RGS14: variants seen among roughly 807,000 people sequenced by gnomAD.
RGS14 encodes the protein regulator of G-protein signaling 14.
A neutral mutation model predicts 63.8 loss-of-function variants in RGS14; 33 were observed. That is an observed-to-expected ratio of 0.52 (90% CI 0.39 to 0.69). The LOEUF is 0.69. Ranked by LOEUF, RGS14 falls within the 30% of genes least tolerant of loss-of-function variation. The pLI, the probability that RGS14 is intolerant of heterozygous loss-of-function variation, is 0.00. For synonymous variants in RGS14, 296 were observed against 320.9 expected (o/e 0.92, Z 0.83); for missense variants, 739 against 742.9 (o/e 0.99, Z 0.06).
At position 177,372,424 on chromosome 5, in the gene RGS14, C is replaced by G. The variant is rs1354698514; in HGVS notation, c.*349C>G. The G allele has an allele frequency of 1.5e-5, 4 of 266,674 alleles. No individual in the cohort carries two copies. In the East Asian group the frequency reaches 3.1e-4, roughly 21 times the overall value. The allele number at this position is 266,674 out of a possible 1,614,324, so 16.5% of individuals were successfully genotyped here. ...GCTTCAACAGGGGCAAGAGGAGGGGCCGGCCCCTCCTCAGGAAGCTGGTAT... is the reference window on the plus strand; with the variant it reads ...GCTTCAACAGGGGCAAGAGGAGGGGGCGGCCCCTCCTCAGGAAGCTGGTAT... On this transcript the variant is annotated 3_prime_UTR_variant, in exon 15 of 15. Transcript: ENST00000408923.
At position 177,371,434 on chromosome 5, in the gene RGS14, T is replaced by C; in HGVS notation, c.1383+38T>C. 6.8e-6 allele frequency: 11 copies of C among 1,613,812 alleles called. No homozygotes were observed. Among genetic ancestry groups the C allele is most frequent in the Non-Finnish European group, 9.3e-6 (11 of 1,179,910 alleles). Reference sequence around the variant, plus strand: ...CGAGTGGCCTCTTCCACCCTCTGCTTCTCCCCTCCCGATTTTGGCTCTGAC... The same window carrying C: ...CGAGTGGCCTCTTCCACCCTCTGCTCCTCCCCTCCCGATTTTGGCTCTGAC... On this transcript the variant is annotated intron_variant, in intron 13 of 14. Coordinates refer to ENST00000408923, the MANE Select transcript of RGS14 (RefSeq NM_006480.5). This position sits in a 1 kb window ranked among gnomAD's most constrained non-coding sequence, Gnocchi z 6.1.
At chr5:177,367,246 G>A (rs1762121584) in intron 5 of RGS14, 168 bp from the exon 6 acceptor site, 1 of 1,117,192 alleles carries the variant, frequency 9.0e-7, no homozygotes, top group Non-Finnish European at 1.2e-6. Context: ...CTGAGCTCGG[G>A]GCGGGCTTGG....
chr5:177,366,966 C>G lies in RGS14; in HGVS notation c.415C>G (p.Gln139Glu), dbSNP rs1561615675. ...QALSPVNIDRQAWLGEEVLAE... is the reference protein window; with the variant it reads ...QALSPVNIDREAWLGEEVLAE... ...GCTGAGCCCAGTGAACATCGACCGT[C>G]AGGCCTGGCTTGGCGAGGAGGTGCT... Residue 139 changes from glutamine (Q) to glutamate (E), a missense_variant, in exon 5 of 15, where the codon CAG becomes GAG. Physicochemically the swap from Gln to Glu is conservative, Grantham distance 29. Transcript: ENST00000408923. 6 of 1,613,928 alleles carry G rather than the reference C, an allele frequency of 3.7e-6. No homozygotes were observed. The highest frequency in any genetic ancestry group is 1.3e-5 in the African/African-American group (1 of 75,042).
intron 1 of RGS14, among the ~76,000 whole-genome samples, chr5:177,360,225 C>G (rs1007276948): frequency 8.5e-5 from 13 of 152,232 alleles, no homozygotes; most frequent in Admixed American, 6.5e-4. Flanking sequence ...CTAGACACTC[C>G]CGACCCAGGC....
In RGS14 at chr5:177,364,538, C is replaced by T. The variant is rs1275404921; in HGVS notation, c.46-1425C>T. Among the ~76,000 whole-genome samples the T allele has an allele frequency of 6.6e-6, 1 of 152,164 alleles. No homozygotes were observed. Among genetic ancestry groups the T allele is most frequent in the Non-Finnish European group, 1.5e-5 (1 of 68,024 alleles). On this transcript the variant is annotated intron_variant, in intron 1 of 14. Transcript: ENST00000408923. This position sits in a 1 kb window ranked among gnomAD's most constrained non-coding sequence, Gnocchi z 4.6. ...CGCACACCCTGAGCCTCTGTCCTGC[C>T]CTCTAACCCCAAGTCAGGGGTGATA...
Position 177,367,531 on chromosome 5 carries a change from C to T in RGS14, c.601C>T (p.Leu201Phe). The change falls in exon 6 of 15, where the codon CTC (leucine) becomes TTC (phenylalanine). Residue 201 changes from leucine to phenylalanine, a missense_variant. Transcript: ENST00000408923. ...RPLREPGSSR[L>F]GSPDATRKKP... ...TCTGCGGGAACCTGGCTCCTCGCGCCTCGGCAGCCCTGACGCCACGAGGAA... is the reference window on the plus strand; with the variant it reads ...TCTGCGGGAACCTGGCTCCTCGCGCTTCGGCAGCCCTGACGCCACGAGGAA... 1 of 1,611,294 alleles carries T rather than the reference C, an allele frequency of 6.2e-7. No homozygotes were observed. The highest frequency in any genetic ancestry group is 8.5e-7 in the Non-Finnish European group (1 of 1,178,858).
Position 177,358,038 on chromosome 5 carries a change from C to A in RGS14, c.14C>A (p.Pro5His). MPGK[P>H]KHLGVPNGRM... ...ATCGGCAGCGGCATGCCAGGGAAGC[C>A]CAAGCACCTGGGCGTCCCCAACGGG... The change falls in exon 1 of 15, where the codon CCC becomes CAC. Residue 5 changes from proline (P) to histidine (H), a missense_variant. Coordinates refer to ENST00000408923, the MANE Select transcript of RGS14 (RefSeq NM_006480.5). The surrounding 1 kb of genome is among the most constrained non-coding windows in gnomAD (Gnocchi z 4.8). The A allele has an allele frequency of 7.4e-7, 1 of 1,359,806 alleles. No homozygotes were observed. The highest frequency in any genetic ancestry group is 9.6e-7 in the Non-Finnish European group (1 of 1,046,196). The allele number at this position is 1,359,806 out of a possible 1,614,324, so 84.2% of individuals were successfully genotyped here.
chr5:177,370,744 GC>G, intron 10 of RGS14, 80 bp downstream of exon 10: 2 of 1,544,154 alleles, frequency 1.3e-6, no homozygotes, highest in Non-Finnish European at 1.8e-6. Flanking sequence ...GGCTCCCCAG[GC>G]CCCGCCCCTC....
chr5:177,371,701 C>A lies in RGS14; in HGVS notation c.1498+112C>A, dbSNP rs906062996. ...AGGCAGGGGGCTGGGTGCCACTGGG[C>A]GTGGAACAGGAAGGATGGGGGTTGG... On this transcript the variant is annotated intron_variant, in intron 14 of 14. Transcript: ENST00000408923. The surrounding 1 kb of genome is among the most constrained non-coding windows in gnomAD (Gnocchi z 6.1). The A allele has an allele frequency of 4.3e-6, 4 of 940,574 alleles. No homozygotes were observed. Among genetic ancestry groups the A allele is most frequent in the South Asian group, 4.0e-5 (2 of 49,820 alleles). The allele number at this position is 940,574 out of a possible 1,614,324, so 58.3% of individuals were successfully genotyped here. A position where few individuals can be genotyped will look rare whatever the true frequency, so the allele number is the denominator to read the frequency against.
In RGS14 at chr5:177,371,794, A is replaced by G. The variant is rs1762277533; in HGVS notation, c.1499-79A>G. 6.9e-7 allele frequency: 1 copy of G among 1,457,748 alleles called. No homozygotes were observed. The highest frequency in any genetic ancestry group is 9.4e-7 in the Non-Finnish European group (1 of 1,062,162). 90.3% of individuals were successfully genotyped at this position (1,457,748 alleles called of 1,614,324 possible). ...CTGGGGCCAGGGAGGCAGTGGCCAC[A>G]GTAAGGCAGTGGGACTATCGTGGGC... On this transcript the variant is annotated intron_variant, in intron 14 of 14. Coordinates refer to ENST00000408923, the MANE Select transcript of RGS14 (RefSeq NM_006480.5). The surrounding 1 kb of genome is among the most constrained non-coding windows in gnomAD (Gnocchi z 6.1).
At chr5:177,366,841 G>C (rs1340530159) in intron 4 of RGS14, 41 bp downstream of exon 4, 1 of 1,613,992 alleles carries the variant, frequency 6.2e-7, no homozygotes, top group Non-Finnish European at 8.5e-7. Context: ...TGGGGAGAGG[G>C]GAACTGGGCC....
Position 177,366,794 on chromosome 5 carries a change from C to T in RGS14, c.333C>T (p.Thr111=), listed in dbSNP as rs772279937. The change falls in exon 4 of 15, where the codon ACC becomes ACT. Residue 111 remains threonine (T), a synonymous_variant. Transcript: ENST00000408923. ...ERFQQIPASD[T]QQLAQEARNI... ...TCCAGCAGATCCCGGCCAGCGATAC[C>T]CAGCAGGTGGGGGAAGGGGGAGCTG... is the stretch of plus-strand genomic sequence containing the variant. 45 of 1,613,986 alleles carry T rather than the reference C, an allele frequency of 2.8e-5. No homozygotes were observed. The highest frequency in any genetic ancestry group is 1.6e-4 in the Middle Eastern group (1 of 6,082).
Position 177,357,996 on chromosome 5 carries a change from C to A in RGS14, c.-29C>A. The A allele has an allele frequency of 2.2e-6, 3 of 1,340,472 alleles. No homozygotes were observed. The highest frequency in any genetic ancestry group is 1.9e-6 in the Non-Finnish European group (2 of 1,037,236). The allele number at this position is 1,340,472 out of a possible 1,614,324, so 83.0% of individuals were successfully genotyped here. A position where few individuals can be genotyped will look rare whatever the true frequency, so the allele number is the denominator to read the frequency against. On this transcript the variant is annotated 5_prime_UTR_variant, in exon 1 of 15. Transcript: ENST00000408923. ...CACAGTCCCCATGGTGGGCAGCCCCCGCGGCGGGGACCCCTGATCGGCAGC... is the reference window on the plus strand; with the variant it reads ...CACAGTCCCCATGGTGGGCAGCCCCAGCGGCGGGGACCCCTGATCGGCAGC...
rs1046611939 is a variant in RGS14, at chr5:177,361,810, G to C, written c.45+3741G>C. Reference sequence around the variant, plus strand: ...TCCTAAGAAAAAAATATGACCGGCCGAGGTCCAAGCCTGGGTCCGTGTGTC... The same window carrying C: ...TCCTAAGAAAAAAATATGACCGGCCCAGGTCCAAGCCTGGGTCCGTGTGTC... On this transcript the variant is annotated intron_variant, in intron 1 of 14. Transcript: ENST00000408923. Among the ~76,000 whole-genome samples the C allele has an allele frequency of 2.0e-5, 3 of 152,124 alleles. No homozygotes were observed. In the East Asian group the frequency reaches 5.8e-4, roughly 29 times the overall value.
rs752378263 is a variant in RGS14 at position 177,371,149 on chromosome 5, T to C, written c.1255-16T>C. 2 of 1,604,576 alleles carry C rather than the reference T, an allele frequency of 1.2e-6. No individual in the cohort carries two copies. Among genetic ancestry groups the C allele is most frequent in the East Asian group, 2.3e-5 (1 of 44,000 alleles). ...GGCGGAGGCCTGTACCGCGGGCTGC[T>C]GACCTCTCCCCACAGCCAGGCGAGA... On this transcript the variant is annotated splice_polypyrimidine_tract_variant and intron_variant, in intron 11 of 14. Coordinates refer to ENST00000408923, the MANE Select transcript of RGS14 (RefSeq NM_006480.5). This position sits in a 1 kb window ranked among gnomAD's most constrained non-coding sequence, Gnocchi z 6.1.
Position 177,368,750 on chromosome 5 carries a change from G to GA in RGS14, c.886dup (p.Ser296LysfsTer2). The GA allele has an allele frequency of 6.2e-7, 1 of 1,614,252 alleles. No individual in the cohort carries two copies. Among genetic ancestry groups the GA allele is most frequent in the Non-Finnish European group, 8.5e-7 (1 of 1,180,042 alleles). The stretch of plus-strand genomic sequence containing the variant: ...GAAGAGCCTTGGGAGCACGGAGGGT[G>GA]AAAGTGAAAGCCGGCCAGGGAAGTA... On this transcript the variant is annotated frameshift_variant, in exon 9 of 15. Coordinates refer to ENST00000408923, the MANE Select transcript of RGS14 (RefSeq NM_006480.5). LOFTEE classifies it high-confidence loss of function.
At chr5:177,361,655 C>T (rs1224670071) in intron 1 of RGS14, among the ~76,000 whole-genome samples, 1 of 152,102 alleles carries the variant, frequency 6.6e-6, no homozygotes, top group East Asian at 1.9e-4. Flanking sequence ...ACAAGATACC[C>T]GTAAAGATGG....
rs1270890409 is a variant in RGS14 at position 177,370,552 on chromosome 5, G to C, written c.1054-39G>C. 1.9e-6 allele frequency: 3 copies of C among 1,585,466 alleles called. No homozygotes were observed. In the East Asian group the frequency reaches 6.7e-5, roughly 35 times the overall value. ...GACCCACAGGGATGGCTGGGGGTTG[G>C]GGGAGGGACTCTTAGACCCTGCCTG... On this transcript the variant is annotated intron_variant, in intron 9 of 14. Coordinates refer to ENST00000408923, the MANE Select transcript of RGS14 (RefSeq NM_006480.5).
Position 177,358,850 on chromosome 5 carries a change from T to C in RGS14, c.45+781T>C, listed in dbSNP as rs1006940220. 6.6e-6 allele frequency among the ~76,000 whole-genome samples: 1 copy of C among 152,190 alleles called. No homozygotes were observed. The highest frequency in any genetic ancestry group is 1.5e-5 in the Non-Finnish European group (1 of 68,024). The stretch of plus-strand genomic sequence containing the variant: ...CTCTTAACAACCTCAGGAAGGCCAG[T>C]GTCCTGGCCCACCACCAGGCCCCAG... On this transcript the variant is annotated intron_variant, in intron 1 of 14. Coordinates refer to ENST00000408923, the MANE Select transcript of RGS14 (RefSeq NM_006480.5). The surrounding 1 kb of genome is among the most constrained non-coding windows in gnomAD (Gnocchi z 4.8).
Sources: gnomAD v4.1 joint callset for allele counts (sites outside exome capture counted in the v4.1 genomes callset) on GRCh38, gnomAD v4.1.1 for gene constraint, Gnocchi (gnomAD v3.1) non-coding constraint, MANE v1.5 for transcripts, NCBI Gene and HGNC (gene_info 2026-07-23, HGNC 2026-07-21) for gene names.